The following ERBB4 variants were observed in gnomAD, a reference collection of about 807,000 sequenced individuals.
The protein encoded by ERBB4 is erb-b2 receptor tyrosine kinase 4.
A neutral mutation model predicts 158.0 loss-of-function variants in ERBB4; 42 were observed. The observed-to-expected ratio is 0.27, with a 90% CI of 0.21 to 0.34. The LOEUF is 0.34. ERBB4 is among the 10% of genes least tolerant of loss of function. The pLI is 1.00. For missense variants in ERBB4, 1,333 were observed against 1,624.1 expected (o/e 0.82, Z 3.08); for synonymous variants, 583 against 558.7 (o/e 1.04, Z -0.61).
At chr2:212,049,728 T>C (rs1003659452) in intron 2 of ERBB4, among the ~76,000 whole-genome samples, 9 of 152,332 alleles carry the variant, frequency 5.9e-5, no homozygotes, top group South Asian at 2.1e-4. Flanking sequence ...TAAAAGAACA[T>C]TGCTGGGCAG....
intron 20 of ERBB4, among the ~76,000 whole-genome samples, chr2:211,518,906 A>G (rs1574656892): frequency 6.6e-6 from 1 of 152,106 alleles, no homozygotes. Flanking sequence ...CTTATTTTTA[A>G]AATTAATTTA....
In ERBB4 at chr2:211,931,217, A is replaced by G. The variant is rs79769569; in HGVS notation, c.421+16213T>C. 1.4e-3 allele frequency among the ~76,000 whole-genome samples: 216 copies of G among 152,162 alleles called. 2 individuals carry two copies. In the East Asian group the frequency reaches 0.022, roughly 16 times the overall value. ...AAGTTTTTCCTTTCTTTGTTTTGCT[A>G]TTATTTAGCCTTAGCAGGAAAACAA... is the stretch of plus-strand genomic sequence containing the variant. On this transcript the variant is annotated intron_variant, in intron 3 of 27. Coordinates refer to ENST00000342788, the MANE Select transcript of ERBB4 (RefSeq NM_005235.3).
At position 211,705,406 on chromosome 2, in the gene ERBB4, A is replaced by C; in HGVS notation, c.1125-15T>G. 2 of 1,544,780 alleles carry C rather than the reference A, an allele frequency of 1.3e-6. No individual in the cohort carries two copies. The highest frequency in any genetic ancestry group is 1.8e-6 in the Non-Finnish European group (2 of 1,117,046). On this transcript the variant is annotated splice_polypyrimidine_tract_variant and intron_variant, in intron 9 of 27. Transcript: ENST00000342788. The stretch of plus-strand genomic sequence containing the variant: ...TGTAAGGGTCCCTAGAAAATCAAGA[A>C]GAGATGTAGCCAAATTTAAATTTTA...
intron 16 of ERBB4, among the ~76,000 whole-genome samples, chr2:211,631,658 T>C (rs1448185307): frequency 6.6e-6 from 1 of 152,146 alleles, no homozygotes; most frequent in Non-Finnish European, 1.5e-5. Flanking sequence ...TGTTCTAGAG[T>C]AGAGCAGTAT....
chr2:211,442,684 T>C (rs2064011343), intron 20 of ERBB4, among the ~76,000 whole-genome samples: 1 of 150,490 alleles, frequency 6.6e-6, no homozygotes, highest in South Asian at 2.1e-4. Flanking sequence ...TATACCTGTA[T>C]ATATGTATAC....
At chr2:211,422,319 CAAA>C (rs1479630849) in intron 23 of ERBB4, among the ~76,000 whole-genome samples, 1 of 151,710 alleles carries the variant, frequency 6.6e-6, no homozygotes, top group Admixed American at 6.6e-5. Context: ...TACTGTAAAA[CAAA>C]AGATAAATTT....
At chr2:211,530,769 A>T (rs932084165) in intron 20 of ERBB4, among the ~76,000 whole-genome samples, 7 of 152,120 alleles carry the variant, frequency 4.6e-5, no homozygotes, top group African/African-American at 1.7e-4. Context: ...GTGTGCTTGT[A>T]GTTCCAGATA....
At chr2:211,924,555 G>A (rs146457736) in intron 3 of ERBB4, among the ~76,000 whole-genome samples, 87 of 152,118 alleles carry the variant, frequency 5.7e-4, no homozygotes, top group African/African-American at 1.9e-3. Flanking sequence ...TTAGATACAC[G>A]TCAAATCGAT....
chr2:212,488,651 A>G (rs1320715677), intron 1 of ERBB4, among the ~76,000 whole-genome samples: 1 of 151,868 alleles, frequency 6.6e-6, no homozygotes, highest in Non-Finnish European at 1.5e-5. Flanking sequence ...TATCTCACCA[A>G]ATGAACAGTA....
chr2:212,060,024 A>C (rs1204633727), intron 2 of ERBB4, among the ~76,000 whole-genome samples: 1 of 152,232 alleles, frequency 6.6e-6, no homozygotes, highest in Non-Finnish European at 1.5e-5. Context: ...AATGGGAGAA[A>C]ATTTTTGCAA....
intron 19 of ERBB4, among the ~76,000 whole-genome samples, chr2:211,610,053 A>G (rs190373723): frequency 9.7e-4 from 148 of 152,244 alleles, no homozygotes; most frequent in African/African-American, 3.4e-3. Context: ...TAGCAATGCC[A>G]GCCATGTGAT....
intron 3 of ERBB4, among the ~76,000 whole-genome samples, chr2:211,825,828 T>C (rs1401975088): frequency 6.8e-6 from 1 of 147,572 alleles, no homozygotes; most frequent in African/African-American, 2.5e-5. Context: ...TTATATAATG[T>C]ATTAATATAT....
At chr2:212,362,292 A>C (rs1422079103) in intron 1 of ERBB4, among the ~76,000 whole-genome samples, 1 of 151,492 alleles carries the variant, frequency 6.6e-6, no homozygotes, top group East Asian at 1.9e-4. Flanking sequence ...ATAAATTTAA[A>C]AAGGAATGGC....
intron 1 of ERBB4, among the ~76,000 whole-genome samples, chr2:212,418,051 G>T (rs1189531016): frequency 6.6e-6 from 1 of 151,926 alleles, no homozygotes; most frequent in African/African-American, 2.4e-5. Context: ...AAGTCAGGAA[G>T]AAGGCCCTTA....
chr2:211,701,744 G>C (rs1055201210), intron 12 of ERBB4, among the ~76,000 whole-genome samples: 1 of 112,638 alleles, frequency 8.9e-6, no homozygotes, highest in Non-Finnish European at 1.7e-5. Context: ...GCAACAGAGC[G>C]AGACTCCGTC....
intron 12 of ERBB4, among the ~76,000 whole-genome samples, chr2:211,684,568 T>C (rs1422439567): frequency 2.0e-5 from 3 of 152,200 alleles, no homozygotes; most frequent in Non-Finnish European, 1.5e-5. Context: ...TCCTCATAGT[T>C]GTTTGCTTTT....
intron 1 of ERBB4, among the ~76,000 whole-genome samples, chr2:212,308,583 A>T (rs1179307117): frequency 6.6e-6 from 1 of 150,952 alleles, no homozygotes; most frequent in African/African-American, 2.4e-5. Flanking sequence ...TTAAAGGTTG[A>T]TCAATATATT....
At chr2:212,052,735 C>A (rs1281645489) in intron 2 of ERBB4, among the ~76,000 whole-genome samples, 1 of 152,182 alleles carries the variant, frequency 6.6e-6, no homozygotes, top group African/African-American at 2.4e-5. Flanking sequence ...AAAACCACAT[C>A]CAGAGAGTGA....
intron 1 of ERBB4, among the ~76,000 whole-genome samples, chr2:212,463,728 G>C (rs2371575): frequency 0.4 from 60,959 of 151,458 alleles, 12,597 homozygotes; most frequent in African/African-American, 0.46. Flanking sequence ...TAATTATTTT[G>C]TGTGTAACCC....
Sources: allele counts gnomAD v4.1 joint callset (sites outside exome capture counted in the v4.1 genomes callset), GRCh38; gene constraint gnomAD v4.1.1; transcripts MANE v1.5; gene names NCBI Gene and HGNC (gene_info 2026-07-23, HGNC 2026-07-21).